RERE: variants seen among roughly 807,000 people sequenced by gnomAD.
The protein encoded by RERE is arginine-glutamic acid dipeptide repeats protein.
A neutral mutation model predicts 146.1 loss-of-function variants in RERE; 40 were observed. The ratio of observed to expected loss-of-function variants is 0.27; its 90% CI spans 0.21 to 0.36. The LOEUF (loss-of-function observed/expected upper bound fraction) is 0.36. Among genes scored for constraint, RERE ranks in the 10% least tolerant of loss-of-function variants. The pLI is 1.00. For synonymous variants in RERE, 1,003 were observed against 866.0 expected (o/e 1.16, Z -2.78); for missense variants, 1,933 against 2,138.7 (o/e 0.90, Z 1.90).
Position 8,601,669 on chromosome 1 carries a change from CACAT to C in RERE, c.522+12888_522+12891del, listed in dbSNP as rs1216731179. On this transcript the variant is annotated intron_variant, in intron 4 of 22. Transcript: ENST00000400908. ...ACACACACACACACACACACACACA[CACAT>C]CTTCCTTCCATGATCCTTTGGATTG... Among the ~76,000 whole-genome samples, 244 of 139,666 alleles carry C rather than the reference CACAT, an allele frequency of 1.7e-3. 1 individual carries two copies. Among genetic ancestry groups the C allele is most frequent in the African/African-American group, 6.3e-3 (231 of 36,460 alleles). 91.6% of individuals were successfully genotyped at this position (139,666 alleles called of 152,430 possible). A position where few individuals can be genotyped will look rare whatever the true frequency, so the allele number is the denominator to read the frequency against.
At chr1:8,708,334 G>A (rs1296600704) in intron 1 of RERE, among the ~76,000 whole-genome samples, 5 of 151,956 alleles carry the variant, frequency 3.3e-5, no homozygotes, top group Middle Eastern at 3.4e-3. Context: ...GTTTTGAGGC[G>A]GAGTCTCACT....
intron 2 of RERE, among the ~76,000 whole-genome samples, chr1:8,635,392 T>C (rs933403222): frequency 3.9e-5 from 6 of 152,250 alleles, no homozygotes; most frequent in African/African-American, 1.2e-4. Flanking sequence ...AGCAAGGTCA[T>C]AGTATTTAAA....
intron 1 of RERE, among the ~76,000 whole-genome samples, chr1:8,807,298 C>G (rs1641710184): frequency 6.6e-6 from 1 of 152,140 alleles, no homozygotes; most frequent in Non-Finnish European, 1.5e-5. Flanking sequence ...AAGGGAGCCT[C>G]CTGCCTCGAC....
rs181066719 is a variant in RERE, at chr1:8,362,592, G to T, written c.1902+91C>A. ...GGCTCCATGAATGAGCTGCATCCTC[G>T]TGTCTGAGGGAGCTGATCACGAATA... On this transcript the variant is annotated intron_variant, in intron 16 of 22. Transcript: ENST00000400908. 4 of 1,498,970 alleles carry T rather than the reference G, an allele frequency of 2.7e-6. No homozygotes were observed. In the South Asian group the frequency reaches 4.7e-5, roughly 17 times the overall value. The allele number at this position is 1,498,970 out of a possible 1,614,324, so 92.9% of individuals were successfully genotyped here.
intron 11 of RERE, among the ~76,000 whole-genome samples, chr1:8,437,221 G>T (rs1644182051): frequency 1.3e-5 from 2 of 152,102 alleles, no homozygotes; most frequent in Non-Finnish European, 2.9e-5. Flanking sequence ...GATACAGGAG[G>T]GGCTCCTGGA....
chr1:8,679,578 T>TCTGG (rs1638918602), intron 1 of RERE, among the ~76,000 whole-genome samples: 1 of 152,184 alleles, frequency 6.6e-6, no homozygotes, highest in Non-Finnish European at 1.5e-5. Flanking sequence ...ACAGGCTATA[T>TCTGG]GTAATGACAG....
At chr1:8,507,693 G>C (rs1485150894) in intron 8 of RERE, among the ~76,000 whole-genome samples, 3 of 149,166 alleles carry the variant, frequency 2.0e-5, no homozygotes, top group Admixed American at 6.7e-5. Flanking sequence ...ATAGGCGAGA[G>C]CCACCACGCC....
intron 1 of RERE, among the ~76,000 whole-genome samples, chr1:8,770,306 TA>T (rs900158019): frequency 3.9e-5 from 6 of 152,046 alleles, no homozygotes; most frequent in African/African-American, 1.2e-4. Context: ...GGTACTTATT[TA>T]AAAAAAAATT....
chr1:8,462,826 C>G (rs1644544135), intron 11 of RERE, among the ~76,000 whole-genome samples: 1 of 152,066 alleles, frequency 6.6e-6, no homozygotes. Context: ...ATCACTTGAG[C>G]CCAACAGTTT....
At chr1:8,469,044 G>A (rs763253008) in intron 10 of RERE, among the ~76,000 whole-genome samples, 1 of 151,932 alleles carries the variant, frequency 6.6e-6, no homozygotes, top group Non-Finnish European at 1.5e-5. Context: ...TCATTTTTGT[G>A]CCTTAATTTT....
chr1:8,397,014 G>C (rs995220054), intron 12 of RERE, among the ~76,000 whole-genome samples: 4 of 152,198 alleles, frequency 2.6e-5, no homozygotes, highest in African/African-American at 7.2e-5. Flanking sequence ...AGTTATCTCA[G>C]GCAAAATGTA....
At chr1:8,773,118 C>G (rs1178769547) in intron 1 of RERE, among the ~76,000 whole-genome samples, 1 of 152,092 alleles carries the variant, frequency 6.6e-6, no homozygotes, top group Non-Finnish European at 1.5e-5. Flanking sequence ...AAGTGAATAT[C>G]TGGTCTGTAC....
chr1:8,361,615 C>A, intron 17 of RERE, 125 bp from the exon 18 acceptor site: 1 of 1,407,682 alleles, frequency 7.1e-7, no homozygotes, highest in South Asian at 1.2e-5. Context: ...TCCGGGACCA[C>A]AGGTCGTGCC....
chr1:8,527,712 A>G (rs1366876976), intron 7 of RERE, among the ~76,000 whole-genome samples: 1 of 152,098 alleles, frequency 6.6e-6, no homozygotes, highest in Non-Finnish European at 1.5e-5. Flanking sequence ...TATCCTCTTC[A>G]TTGTCTTTCC....
intron 1 of RERE, among the ~76,000 whole-genome samples, chr1:8,707,057 T>A (rs1639573182): frequency 6.6e-6 from 1 of 152,230 alleles, no homozygotes; most frequent in South Asian, 2.1e-4. Flanking sequence ...CCTGGCCTGG[T>A]CTGCACCATT....
At chr1:8,524,570 C>T (rs535029346) in intron 7 of RERE, among the ~76,000 whole-genome samples, 5 of 152,160 alleles carry the variant, frequency 3.3e-5, no homozygotes, top group African/African-American at 4.8e-5. Flanking sequence ...ATATTGTATG[C>T]TTTCTTCCAT....
At chr1:8,477,000 C>G (rs1055596907) in intron 10 of RERE, among the ~76,000 whole-genome samples, 1 of 152,108 alleles carries the variant, frequency 6.6e-6, no homozygotes, top group African/African-American at 2.4e-5. Flanking sequence ...ATTCCCCACG[C>G]CAAACACTAA....
intron 1 of RERE, among the ~76,000 whole-genome samples, chr1:8,810,411 G>A (rs1641783834): frequency 6.6e-6 from 1 of 152,168 alleles, no homozygotes; most frequent in East Asian, 1.9e-4. Context: ...TTCAAGACCA[G>A]CCTGGGCAAC....
intron 12 of RERE, among the ~76,000 whole-genome samples, chr1:8,392,305 T>C (rs767549537): frequency 2.6e-5 from 4 of 152,062 alleles, no homozygotes; most frequent in Admixed American, 6.5e-5. Context: ...ATAAACAAAA[T>C]ACACAATTGA....
Sources: allele counts gnomAD v4.1 joint callset (sites outside exome capture counted in the v4.1 genomes callset), GRCh38; gene constraint gnomAD v4.1.1; transcripts MANE v1.5; gene names NCBI Gene and HGNC (gene_info 2026-07-23, HGNC 2026-07-21).